GHR: variants seen among roughly 807,000 people sequenced by gnomAD.
GHR encodes growth hormone receptor.
In GHR, 35 loss-of-function variants were observed where a neutral mutation model predicts 67.1. That is an observed-to-expected ratio of 0.52 (90% CI 0.40 to 0.69). The LOEUF is 0.69. GHR is among the 30% of genes least tolerant of loss of function. GHR has a pLI of 0.00. For synonymous variants in GHR, 272 were observed against 269.1 expected (o/e 1.01, Z -0.10); for missense variants, 792 against 764.6 (o/e 1.04, Z -0.42).
intron 3 of GHR, among the ~76,000 whole-genome samples, chr5:42,660,278 G>A (rs1331432779): frequency 6.6e-6 from 1 of 152,172 alleles, no homozygotes; most frequent in East Asian, 1.9e-4. Flanking sequence ...GCATGCAGCT[G>A]GAGATCTGAG....
chr5:42,538,288 T>C (rs1249130675), intron 1 of GHR, among the ~76,000 whole-genome samples: 1 of 152,232 alleles, frequency 6.6e-6, no homozygotes. Context: ...TGATTTAGGC[T>C]TTAAAGAGGT....
Position 42,699,979 on chromosome 5 carries a change from G to A in GHR, c.595G>A (p.Val199Ile), listed in dbSNP as rs189620258. The change falls in exon 6 of 10, where the codon GTA becomes ATA. Residue 199 changes from valine (V) to isoleucine (I), a missense_variant. Transcript: ENST00000230882. ...GGAGTATGAACTTCAATACAAAGAA[G>A]TAAATGAAACTAAATGGAAAATGGT... ...VLEYELQYKE[V>I]NETKWKMMDP... The A allele has an allele frequency of 3.1e-6, 5 of 1,602,222 alleles. No homozygotes were observed. The African/African-American group carries it at 5.3e-5, about 17-fold the overall frequency.
intron 1 of GHR, among the ~76,000 whole-genome samples, chr5:42,535,616 T>G (rs1294979083): frequency 6.6e-6 from 1 of 152,118 alleles, no homozygotes; most frequent in African/African-American, 2.4e-5. Flanking sequence ...TTCTTTTTCC[T>G]TATTTCTTGC....
chr5:42,604,032 T>C (rs895588656), intron 2 of GHR, among the ~76,000 whole-genome samples: 1 of 152,188 alleles, frequency 6.6e-6, no homozygotes, highest in African/African-American at 2.4e-5. Context: ...GTTTATGAGT[T>C]TATTATAAAG....
At chr5:42,653,197 T>C (rs1580130806) in intron 3 of GHR, among the ~76,000 whole-genome samples, 1 of 152,156 alleles carries the variant, frequency 6.6e-6, no homozygotes, top group Non-Finnish European at 1.5e-5. Flanking sequence ...CAGAATTTCC[T>C]GAATGAGACA....
chr5:42,428,945 A>C (rs1742972587), intron 1 of GHR, among the ~76,000 whole-genome samples: 1 of 152,124 alleles, frequency 6.6e-6, no homozygotes, highest in Non-Finnish European at 1.5e-5. Flanking sequence ...TCTTCTTTTG[A>C]GCCCTCCATA....
At chr5:42,428,168 C>T (rs761932059) in intron 1 of GHR, among the ~76,000 whole-genome samples, 1 of 152,236 alleles carries the variant, frequency 6.6e-6, no homozygotes, top group Non-Finnish European at 1.5e-5. Context: ...CATACATCCT[C>T]TGAAATCTAG....
At chr5:42,430,395 T>C (rs1288108834) in intron 1 of GHR, among the ~76,000 whole-genome samples, 2 of 152,098 alleles carry the variant, frequency 1.3e-5, no homozygotes, top group African/African-American at 4.8e-5. Context: ...TGTTGGATGA[T>C]GAAGAGACAA....
chr5:42,456,659 T>C (rs1184391245), intron 1 of GHR, among the ~76,000 whole-genome samples: 3 of 152,238 alleles, frequency 2.0e-5, no homozygotes, highest in African/African-American at 7.2e-5. Context: ...TCCTGGCTCT[T>C]GAAGGCATTG....
At chr5:42,677,924 C>G (rs912526567) in intron 3 of GHR, among the ~76,000 whole-genome samples, 13 of 152,066 alleles carry the variant, frequency 8.5e-5, no homozygotes, top group East Asian at 5.8e-4. Context: ...TTCAAATTAG[C>G]AATGTTCATC....
intron 5 of GHR, among the ~76,000 whole-genome samples, chr5:42,698,391 A>G (rs1395439163): frequency 6.6e-6 from 1 of 152,222 alleles, no homozygotes; most frequent in African/African-American, 2.4e-5. Flanking sequence ...TGGTCACTTT[A>G]AACGGTTAAG....
At chr5:42,533,560 A>G (rs971799577) in intron 1 of GHR, among the ~76,000 whole-genome samples, 3 of 151,940 alleles carry the variant, frequency 2.0e-5, no homozygotes, top group Non-Finnish European at 4.4e-5. Context: ...TTTTTAATCT[A>G]CTTACAATAG....
chr5:42,583,353 T>G (rs1278313840), intron 2 of GHR, among the ~76,000 whole-genome samples: 1 of 148,334 alleles, frequency 6.7e-6, no homozygotes, highest in Non-Finnish European at 1.5e-5. Context: ...TTCAGTCAAC[T>G]AGGCCCTTGC....
chr5:42,510,050 T>A (rs2112261699), intron 1 of GHR, among the ~76,000 whole-genome samples: 1 of 152,280 alleles, frequency 6.6e-6, no homozygotes, highest in East Asian at 1.9e-4. Flanking sequence ...ACTGAATCGA[T>A]CACCCCCCTA....
chr5:42,651,981 A>G (rs532257137), intron 3 of GHR, among the ~76,000 whole-genome samples: 5 of 152,306 alleles, frequency 3.3e-5, no homozygotes, highest in African/African-American at 9.6e-5. Flanking sequence ...AGGGAAAGGT[A>G]TAGATGCTAT....
chr5:42,584,941 G>A (rs1370321186), intron 2 of GHR, among the ~76,000 whole-genome samples: 1 of 152,148 alleles, frequency 6.6e-6, no homozygotes, highest in Non-Finnish European at 1.5e-5. Context: ...AGAGCGGAAA[G>A]AGTAATACTT....
chr5:42,644,750 G>T (rs1754646298), intron 3 of GHR, among the ~76,000 whole-genome samples: 1 of 151,522 alleles, frequency 6.6e-6, no homozygotes, highest in South Asian at 2.1e-4. Flanking sequence ...CACAAAACAG[G>T]ATTGCTATAT....
intron 1 of GHR, among the ~76,000 whole-genome samples, chr5:42,562,115 G>A (rs949822391): frequency 1.3e-5 from 2 of 152,158 alleles, no homozygotes; most frequent in Admixed American, 6.5e-5. Context: ...GCACTCTGAC[G>A]TTTCCTAGGG....
At chr5:42,514,190 T>C (rs1336390651) in intron 1 of GHR, 2 of 985,130 alleles carry the variant, frequency 2.0e-6, no homozygotes, top group East Asian at 2.3e-4. Context: ...GGATTCTGCA[T>C]TGACTACCTA....
Sources: allele counts gnomAD v4.1 joint callset (sites outside exome capture counted in the v4.1 genomes callset), GRCh38; gene constraint gnomAD v4.1.1; transcripts MANE v1.5; gene names NCBI Gene and HGNC (gene_info 2026-07-23, HGNC 2026-07-21).